The following DOK6 variants were observed in gnomAD, a reference collection of about 807,000 sequenced individuals.
The protein encoded by DOK6 is docking protein 6.
Under a neutral mutation model 44.0 loss-of-function variants are expected in DOK6, and 22 were observed. That is an observed-to-expected ratio of 0.50 (90% CI 0.36 to 0.71). The LOEUF is 0.71. DOK6 is among the 30% of genes least tolerant of loss of function. The pLI is 0.00. For synonymous variants in DOK6, 166 were observed against 145.5 expected (o/e 1.14, Z -1.01); for missense variants, 340 against 416.4 (o/e 0.82, Z 1.60).
intron 2 of DOK6, among the ~76,000 whole-genome samples, chr18:69,566,282 G>A (rs866887921): frequency 8.6e-4 from 131 of 151,816 alleles, no homozygotes; most frequent in Middle Eastern, 6.9e-3. Flanking sequence ...GACTACAGGC[G>A]CCCGCCACTG....
intron 3 of DOK6, among the ~76,000 whole-genome samples, chr18:69,612,665 A>C (rs1385493537): frequency 1.3e-5 from 2 of 151,862 alleles, no homozygotes; most frequent in Non-Finnish European, 2.9e-5. Context: ...GGGGCTTCAC[A>C]CTCTGTTCAC....
At chr18:69,818,403 C>G (rs1014526651) in intron 7 of DOK6, among the ~76,000 whole-genome samples, 3 of 152,080 alleles carry the variant, frequency 2.0e-5, no homozygotes, top group African/African-American at 7.2e-5. Flanking sequence ...AGGCTTATTT[C>G]GAAGAACTGG....
intron 6 of DOK6, among the ~76,000 whole-genome samples, chr18:69,756,547 G>A (rs73970256): frequency 6.6e-6 from 1 of 152,086 alleles, no homozygotes; most frequent in Non-Finnish European, 1.5e-5. Context: ...AATGAAATAA[G>A]TAAGTTCAAG....
chr18:69,813,055 A>G (rs1027446929), intron 7 of DOK6, among the ~76,000 whole-genome samples: 1 of 152,180 alleles, frequency 6.6e-6, no homozygotes, highest in Non-Finnish European at 1.5e-5. Context: ...GTTTCACCTG[A>G]TTACTAGAAC....
intron 3 of DOK6, among the ~76,000 whole-genome samples, chr18:69,601,366 TA>T (rs1983869112): frequency 3.9e-5 from 6 of 152,238 alleles, no homozygotes; most frequent in Admixed American, 2.6e-4. Flanking sequence ...CTCAAGTTCT[TA>T]GTTTATAAAT....
intron 7 of DOK6, among the ~76,000 whole-genome samples, chr18:69,775,064 C>T (rs974644757): frequency 6.6e-6 from 1 of 151,792 alleles, no homozygotes; most frequent in Non-Finnish European, 1.5e-5. Context: ...TGAAATCCCT[C>T]GTTGGCCAAG....
chr18:69,503,475 T>G (rs1005565125), intron 1 of DOK6, among the ~76,000 whole-genome samples: 2 of 152,136 alleles, frequency 1.3e-5, no homozygotes, highest in Admixed American at 1.3e-4. Flanking sequence ...AAGTTCTCAT[T>G]GTCATTGTCT....
chr18:69,500,342 A>G (rs1981012492), intron 1 of DOK6, among the ~76,000 whole-genome samples: 1 of 152,128 alleles, frequency 6.6e-6, no homozygotes, highest in South Asian at 2.1e-4. Flanking sequence ...CTGCATGGAC[A>G]AAGGACTTGA....
chr18:69,479,406 G>A (rs57562566), intron 1 of DOK6, among the ~76,000 whole-genome samples: 48 of 152,198 alleles, frequency 3.2e-4, no homozygotes, highest in Middle Eastern at 3.4e-3. Flanking sequence ...CCCATACCTA[G>A]CCCTCAATAT....
intron 1 of DOK6, 91 bp from the exon 2 acceptor site, chr18:69,564,396 T>C: frequency 9.7e-7 from 1 of 1,036,022 alleles, no homozygotes; most frequent in Admixed American, 2.5e-5. Flanking sequence ...CTCTCTGAAG[T>C]ACACTTAAAA....
At chr18:69,634,517 T>G (rs1006742749) in intron 3 of DOK6, among the ~76,000 whole-genome samples, 1 of 152,186 alleles carries the variant, frequency 6.6e-6, no homozygotes, top group Admixed American at 6.5e-5. Flanking sequence ...AACAAGTGAA[T>G]TAGATAAGAT....
At chr18:69,559,539 A>T (rs1051483411) in intron 1 of DOK6, among the ~76,000 whole-genome samples, 1 of 152,110 alleles carries the variant, frequency 6.6e-6, no homozygotes, top group Admixed American at 6.6e-5. Context: ...CAGTCTCTCA[A>T]ATCTTAGATT....
chr18:69,609,584 A>T (rs2144629561), intron 3 of DOK6, among the ~76,000 whole-genome samples: 1 of 152,324 alleles, frequency 6.6e-6, no homozygotes, highest in African/African-American at 2.4e-5. Context: ...GGAAATGTAA[A>T]TTGATGCAGC....
intron 4 of DOK6, among the ~76,000 whole-genome samples, chr18:69,693,966 G>T (rs991007699): frequency 2.8e-4 from 42 of 148,088 alleles, no homozygotes; most frequent in Non-Finnish European, 5.5e-4. Flanking sequence ...GGCTGAGGCA[G>T]GAGAATGGCG....
chr18:69,594,386 C>T (rs1983692959), intron 2 of DOK6, among the ~76,000 whole-genome samples: 1 of 151,706 alleles, frequency 6.6e-6, no homozygotes, highest in South Asian at 2.1e-4. Context: ...CTTAAAATCA[C>T]CCATATTACA....
intron 1 of DOK6, among the ~76,000 whole-genome samples, chr18:69,433,584 T>C (rs1034718163): frequency 6.6e-6 from 1 of 152,098 alleles, no homozygotes; most frequent in Non-Finnish European, 1.5e-5. Context: ...TTGAGCCACA[T>C]TGCAGGGAAG....
At chr18:69,638,289 C>A (rs1984856770) in intron 3 of DOK6, among the ~76,000 whole-genome samples, 1 of 152,102 alleles carries the variant, frequency 6.6e-6, no homozygotes, top group Non-Finnish European at 1.5e-5. Flanking sequence ...GTTTGCCAAC[C>A]CTTCCTGTAG....
chr18:69,591,612 A>T (rs1414482447), intron 2 of DOK6, among the ~76,000 whole-genome samples: 1 of 152,090 alleles, frequency 6.6e-6, no homozygotes, highest in Non-Finnish European at 1.5e-5. Flanking sequence ...TATTTTTTTA[A>T]AAATATGTAT....
At chr18:69,459,713 G>C (rs766788720) in intron 1 of DOK6, among the ~76,000 whole-genome samples, 26 of 152,068 alleles carry the variant, frequency 1.7e-4, no homozygotes, top group Non-Finnish European at 3.4e-4. Flanking sequence ...TTTTAGCACA[G>C]TAAATAATAT....
Sources: gnomAD v4.1 joint callset for allele counts (sites outside exome capture counted in the v4.1 genomes callset) on GRCh38, gnomAD v4.1.1 for gene constraint, MANE v1.5 for transcripts, NCBI Gene and HGNC (gene_info 2026-07-23, HGNC 2026-07-21) for gene names.